Variants in SLC2A13 observed in about 807,000 individuals in gnomAD.
The protein encoded by SLC2A13 is proton myo-inositol cotransporter.
A neutral mutation model predicts 64.4 loss-of-function variants in SLC2A13; 32 were observed. The observed-to-expected ratio is 0.50, with a 90% CI of 0.37 to 0.67. The LOEUF (loss-of-function observed/expected upper bound fraction) is 0.67, where lower values mean the gene tolerates loss of function less well. Among genes scored for constraint, SLC2A13 ranks in the 30% least tolerant of loss-of-function variants. The pLI, the probability that SLC2A13 is intolerant of heterozygous loss-of-function variation, is 0.00. For synonymous variants in SLC2A13, 338 were observed against 327.1 expected (o/e 1.03, Z -0.36); for missense variants, 743 against 829.2 (o/e 0.90, Z 1.28).
At chr12:40,030,369 G>C (rs1947886138) in intron 2 of SLC2A13, among the ~76,000 whole-genome samples, 2 of 152,030 alleles carry the variant, frequency 1.3e-5, no homozygotes, top group Admixed American at 1.3e-4. Context: ...ATGTTTTATT[G>C]CTGTAAATCA....
At chr12:40,102,169 T>C (rs566099161) in intron 1 of SLC2A13, among the ~76,000 whole-genome samples, 1 of 152,360 alleles carries the variant, frequency 6.6e-6, no homozygotes, top group Non-Finnish European at 1.5e-5. Flanking sequence ...CTCTTTTAAT[T>C]GCTTGTTTAT....
intron 4 of SLC2A13, among the ~76,000 whole-genome samples, chr12:39,924,268 C>T (rs1362340767): frequency 6.6e-6 from 1 of 151,946 alleles, no homozygotes; most frequent in African/African-American, 2.4e-5. Flanking sequence ...TGAAGAGATA[C>T]ACAGGTTGTT....
chr12:39,810,197 G>A (rs576279538), intron 7 of SLC2A13, among the ~76,000 whole-genome samples: 2 of 152,228 alleles, frequency 1.3e-5, no homozygotes, highest in South Asian at 2.1e-4. Context: ...TACTTAGTTA[G>A]ATCTTCTTTA....
intron 6 of SLC2A13, among the ~76,000 whole-genome samples, chr12:39,864,170 T>C (rs1943842580): frequency 6.6e-6 from 1 of 152,234 alleles, no homozygotes; most frequent in East Asian, 1.9e-4. Flanking sequence ...GATCTATTTA[T>C]CACATAGTGT....
intron 4 of SLC2A13, among the ~76,000 whole-genome samples, chr12:39,930,359 G>C (rs554021330): frequency 6.7e-4 from 102 of 152,084 alleles, no homozygotes; most frequent in African/African-American, 2.4e-3. Flanking sequence ...GCTCAGTGGG[G>C]AACAATATTT....
intron 7 of SLC2A13, among the ~76,000 whole-genome samples, chr12:39,813,024 T>C (rs199499716): frequency 7.4e-6 from 1 of 134,980 alleles, no homozygotes; most frequent in East Asian, 2.2e-4. Context: ...TTTTTTTTTT[T>C]AGTAGAGATG....
chr12:39,890,911 T>C (rs1174768172), intron 4 of SLC2A13, among the ~76,000 whole-genome samples: 1 of 152,134 alleles, frequency 6.6e-6, no homozygotes, highest in Non-Finnish European at 1.5e-5. Context: ...TGGTACATAT[T>C]ACATAATTTT....
intron 4 of SLC2A13, among the ~76,000 whole-genome samples, chr12:39,900,120 G>C (rs1001420684): frequency 1.3e-5 from 2 of 151,388 alleles, no homozygotes; most frequent in African/African-American, 4.9e-5. Flanking sequence ...GGCAGAAAAG[G>C]CCTTTGACCA....
rs1487531211 is a variant in SLC2A13 at position 39,976,324 on chromosome 12, CCTTGAT to C, written c.926-24965_926-24960del. The stretch of plus-strand genomic sequence containing the variant: ...GGCTCCAAGATAAATTAGACATGGT[CCTTGAT>C]GTCAAGAAACACAATGGTACGTGGC... On this transcript the variant is annotated intron_variant, in intron 3 of 9. Transcript: ENST00000280871. 3.3e-5 allele frequency among the ~76,000 whole-genome samples: 5 copies of C among 152,256 alleles called. No homozygotes were observed. The East Asian group carries it at 9.7e-4, about 29-fold the overall frequency.
At chr12:39,922,810 C>G (rs560265435) in intron 4 of SLC2A13, among the ~76,000 whole-genome samples, 19 of 151,584 alleles carry the variant, frequency 1.3e-4, no homozygotes, top group South Asian at 6.3e-4. Context: ...GCTTGCAAAA[C>G]TTTGCAAAAC....
intron 4 of SLC2A13, among the ~76,000 whole-genome samples, chr12:39,924,237 A>C (rs1945674679): frequency 6.6e-6 from 1 of 152,112 alleles, no homozygotes; most frequent in Non-Finnish European, 1.5e-5. Flanking sequence ...GCTAAAATGA[A>C]TACCTTTACT....
At chr12:39,848,784 A>G (rs1943388838) in intron 6 of SLC2A13, among the ~76,000 whole-genome samples, 1 of 152,216 alleles carries the variant, frequency 6.6e-6, no homozygotes, top group South Asian at 2.1e-4. Flanking sequence ...ATGCCCTTCA[A>G]TGAAAGACTG....
chr12:39,942,894 A>G (rs1438477820), intron 4 of SLC2A13, among the ~76,000 whole-genome samples: 1 of 151,858 alleles, frequency 6.6e-6, no homozygotes, highest in African/African-American at 2.4e-5. Flanking sequence ...TCATGGATTT[A>G]TCTACCTCTG....
intron 7 of SLC2A13, among the ~76,000 whole-genome samples, chr12:39,792,384 T>C (rs1212908572): frequency 1.3e-5 from 2 of 151,804 alleles, no homozygotes; most frequent in Non-Finnish European, 2.9e-5. Flanking sequence ...TGGGATCTAA[T>C]TAAACTAAAG....
chr12:39,987,205 A>G (rs569165796), intron 3 of SLC2A13, among the ~76,000 whole-genome samples: 1 of 152,322 alleles, frequency 6.6e-6, no homozygotes, highest in Non-Finnish European at 1.5e-5. Flanking sequence ...TAAAATGTCA[A>G]ACAAGATGTG....
At chr12:39,992,359 A>G (rs1236677077) in intron 3 of SLC2A13, among the ~76,000 whole-genome samples, 1 of 152,218 alleles carries the variant, frequency 6.6e-6, no homozygotes, top group Non-Finnish European at 1.5e-5. Context: ...CTAGCATGAT[A>G]TGCAAACTCA....
chr12:40,058,645 T>C (rs1488469899), intron 1 of SLC2A13, among the ~76,000 whole-genome samples: 1 of 152,188 alleles, frequency 6.6e-6, no homozygotes, highest in Non-Finnish European at 1.5e-5. Flanking sequence ...AAACCAGCTA[T>C]ATACATGTAA....
At chr12:40,044,190 C>T (rs1009114591) in intron 2 of SLC2A13, among the ~76,000 whole-genome samples, 1 of 151,966 alleles carries the variant, frequency 6.6e-6, no homozygotes, top group African/African-American at 2.4e-5. Flanking sequence ...CTTAGATGAA[C>T]CTTGAAAATT....
chr12:40,042,091 T>C (rs1948098545), intron 2 of SLC2A13, among the ~76,000 whole-genome samples: 1 of 152,202 alleles, frequency 6.6e-6, no homozygotes, highest in African/African-American at 2.4e-5. Context: ...ATCTCTCCTA[T>C]AGAGGTTCCC....
Sources: allele counts gnomAD v4.1 joint callset (sites outside exome capture counted in the v4.1 genomes callset), GRCh38; gene constraint gnomAD v4.1.1; transcripts MANE v1.5; gene names NCBI Gene and HGNC (gene_info 2026-07-23, HGNC 2026-07-21).